SNTB2: variants seen among roughly 807,000 people sequenced by gnomAD.
SNTB2 encodes beta-2-syntrophin.
A neutral mutation model predicts 46.2 loss-of-function variants in SNTB2; 34 were observed. The observed-to-expected ratio is 0.74, with a 90% CI of 0.56 to 0.98. SNTB2 has a LOEUF of 0.98. Ranked by LOEUF, SNTB2 falls within the 50% of genes least tolerant of loss-of-function variation. The pLI is 0.00. For missense variants in SNTB2, 603 were observed against 731.4 expected, an observed-to-expected ratio of 0.82 and a Z score of 2.02; for synonymous variants, 290 against 312.6, an observed-to-expected ratio of 0.93 and a Z score of 0.76.
intron 5 of SNTB2, among the ~76,000 whole-genome samples, chr16:69,286,031 G>C (rs937616136): frequency 2.0e-5 from 3 of 152,050 alleles, no homozygotes; most frequent in Non-Finnish European, 2.9e-5. Flanking sequence ...GACCTCAGGT[G>C]ATCCACCGAC....
intron 1 of SNTB2, among the ~76,000 whole-genome samples, chr16:69,216,693 C>CA (rs892260991): frequency 4.2e-4 from 63 of 149,462 alleles, no homozygotes; most frequent in South Asian, 2.6e-3. Context: ...GCCCCCCCCC[C>CA]AAAAAAAAAT....
At chr16:69,191,859 T>C (rs1173497976) in intron 1 of SNTB2, among the ~76,000 whole-genome samples, 1 of 152,162 alleles carries the variant, frequency 6.6e-6, no homozygotes, top group Non-Finnish European at 1.5e-5. Flanking sequence ...GCCAGGATAG[T>C]CTCAATCTCC....
chr16:69,243,493 T>C (rs1964638140), intron 1 of SNTB2, among the ~76,000 whole-genome samples: 1 of 152,260 alleles, frequency 6.6e-6, no homozygotes, highest in Non-Finnish European at 1.5e-5. Flanking sequence ...TCAGTGATGC[T>C]ACTGTGTGAT....
chr16:69,250,328 G>T (rs1964714001), intron 2 of SNTB2, among the ~76,000 whole-genome samples: 1 of 152,134 alleles, frequency 6.6e-6, no homozygotes. Flanking sequence ...TAACTAATTA[G>T]ACCTCAGTTA....
intron 1 of SNTB2, among the ~76,000 whole-genome samples, chr16:69,225,045 C>G (rs1469751370): frequency 6.6e-6 from 1 of 152,174 alleles, no homozygotes; most frequent in Admixed American, 6.5e-5. Context: ...ACGAAGACAT[C>G]TTTGTCTTTT....
At chr16:69,296,469 C>G (rs1247100713) in intron 5 of SNTB2, among the ~76,000 whole-genome samples, 1 of 151,848 alleles carries the variant, frequency 6.6e-6, no homozygotes, top group African/African-American at 2.4e-5. Flanking sequence ...GCCTGTAATC[C>G]CAGTACTTTG....
Position 69,308,888 on chromosome 16 carries a change from T to TA in SNTB2, c.*7965dup, listed in dbSNP as rs1965334895. The TA allele has an allele frequency of 6.6e-6, 1 of 152,590 alleles. No homozygotes were observed. The highest frequency in any genetic ancestry group is 2.4e-5 in the African/African-American group (1 of 41,454). The allele number at this position is 152,590 out of a possible 1,614,324, so 9.5% of individuals were successfully genotyped here. On this transcript the variant is annotated 3_prime_UTR_variant, in exon 7 of 7. Coordinates refer to ENST00000336278, the MANE Select transcript of SNTB2 (RefSeq NM_006750.4). Reference sequence around the variant, plus strand: ...TCCTAATTTTAAAAAGCTTTATGTATACTCTATAAATATAGATGCATAAAC... The same window carrying TA: ...TCCTAATTTTAAAAAGCTTTATGTATAACTCTATAAATATAGATGCATAAAC...
intron 5 of SNTB2, among the ~76,000 whole-genome samples, chr16:69,296,437 C>T (rs1448156737): frequency 1.3e-5 from 2 of 150,638 alleles, no homozygotes; most frequent in Non-Finnish European, 3.0e-5. Flanking sequence ...TAAGAAATCT[C>T]AGGCCGGTCG....
chr16:69,308,530 T>A lies in SNTB2; in HGVS notation c.*7606T>A, dbSNP rs1466704045. On this transcript the variant is annotated 3_prime_UTR_variant, in exon 7 of 7. Transcript: ENST00000336278. ...CCTTGGTGCCCAGAAAAATCTGTCC[T>A]TTTTGGTACCAAACCTGAGGTCTTT... 1 of 152,202 alleles carries A rather than the reference T, an allele frequency of 6.6e-6. No individual in the cohort carries two copies. The highest frequency in any genetic ancestry group is 6.5e-5 in the Admixed American group (1 of 15,276). 9.4% of individuals were successfully genotyped at this position (152,202 alleles called of 1,614,324 possible). A position where few individuals can be genotyped will look rare whatever the true frequency, so the allele number is the denominator to read the frequency against.
rs1267676524 is a variant in SNTB2, at chr16:69,304,525, T to TA, written c.*3608dup. 2.0e-5 allele frequency: 3 copies of TA among 152,586 alleles called. No individual in the cohort carries two copies. Among genetic ancestry groups the TA allele is most frequent in the Non-Finnish European group, 4.4e-5 (3 of 68,034 alleles). 9.5% of individuals were successfully genotyped at this position (152,586 alleles called of 1,614,324 possible). On this transcript the variant is annotated 3_prime_UTR_variant, in exon 7 of 7. Transcript: ENST00000336278. ...TATTTATTTCTTATATTTTTATAAG[T>TA]AAAAAAATCTTTCTAAACAACAAAT...
At chr16:69,271,243 C>T (rs1258538474) in intron 4 of SNTB2, among the ~76,000 whole-genome samples, 1 of 152,022 alleles carries the variant, frequency 6.6e-6, no homozygotes, top group Admixed American at 6.6e-5. Flanking sequence ...AGCTGGAGCT[C>T]CTAGATCACA....
At chr16:69,300,721 C>A in intron 6 of SNTB2, 111 bp from the exon 7 acceptor site, 1 of 741,822 alleles carries the variant, frequency 1.3e-6, no homozygotes, top group Non-Finnish European at 2.4e-6. Flanking sequence ...CTAAGAGTTT[C>A]CATAGCTCTG....
chr16:69,201,246 T>C (rs79804449), intron 1 of SNTB2, among the ~76,000 whole-genome samples: 1 of 152,172 alleles, frequency 6.6e-6, no homozygotes, highest in African/African-American at 2.4e-5. Flanking sequence ...ATTGCTAGCA[T>C]TGAAATAGTA....
At position 69,219,713 on chromosome 16, in the gene SNTB2, ATTTTATTTTGTTTTG is replaced by A. The variant is rs1195585994; in HGVS notation, c.581-25884_581-25870del. On this transcript the variant is annotated intron_variant, in intron 1 of 6. Transcript: ENST00000336278. ...GCAATAGTCATAGAAACCAGATTTTATTTTATTTTGTTTTGTTTTGTTTTGTTTTGTTTTGTTTTG... is the reference window on the plus strand; with the variant it reads ...GCAATAGTCATAGAAACCAGATTTTATTTTGTTTTGTTTTGTTTTGTTTTG... Among the ~76,000 whole-genome samples the A allele has an allele frequency of 8.6e-3, 1,278 of 148,460 alleles. 21 individuals carry two copies. The highest frequency in any genetic ancestry group is 0.032 in the African/African-American group (1,226 of 38,870).
At chr16:69,262,346 G>A (rs1037827998) in intron 3 of SNTB2, among the ~76,000 whole-genome samples, 1 of 151,732 alleles carries the variant, frequency 6.6e-6, no homozygotes, top group Admixed American at 6.6e-5. Flanking sequence ...CGCTGTGTCA[G>A]CCAGGCTGGA....
At chr16:69,266,682 C>T (rs2143108875) in intron 3 of SNTB2, among the ~76,000 whole-genome samples, 1 of 152,282 alleles carries the variant, frequency 6.6e-6, no homozygotes, top group Admixed American at 6.5e-5. Context: ...AAAAATCTCT[C>T]TCTTATAACT....
intron 3 of SNTB2, among the ~76,000 whole-genome samples, chr16:69,263,478 A>T (rs1348209594): frequency 1.3e-5 from 2 of 148,758 alleles, no homozygotes; most frequent in Non-Finnish European, 3.0e-5. Flanking sequence ...GGGTGCAATG[A>T]TACAATCTTG....
chr16:69,292,505 G>C (rs535756193), intron 5 of SNTB2, among the ~76,000 whole-genome samples: 1 of 136,502 alleles, frequency 7.3e-6, no homozygotes, highest in Non-Finnish European at 1.5e-5. Flanking sequence ...GCAATGGCAC[G>C]ATCTTGGCTC....
Position 69,187,697 on chromosome 16 carries a change from C to G in SNTB2, c.531C>G (p.Asp177Glu). The G allele has an allele frequency of 6.5e-7, 1 of 1,541,974 alleles. No homozygotes were observed. Residue 177 changes from aspartate to glutamate, a missense_variant, in exon 1 of 7, where the codon GAC becomes GAG. Around this residue, in one of 2 missense-constraint regions of SNTB2, gnomAD observed 537 missense variants for 692.4 expected, o/e 0.78. Transcript: ENST00000336278. ...CCGACCTGCGCCAGGCCACCCACGA[C>G]CAGGCCGTGCAGGCGCTGAAGCGCG... The part of the protein sequence containing the change: ...NGTDLRQATH[D>E]QAVQALKRAG...
Sources: gnomAD v4.1 joint callset for allele counts (sites outside exome capture counted in the v4.1 genomes callset) on GRCh38, gnomAD v4.1.1 for gene constraint, gnomAD v4.1.1 regional missense constraint, MANE v1.5 for transcripts, NCBI Gene and HGNC (gene_info 2026-07-23, HGNC 2026-07-21) for gene names.